CNBD1: variants seen among roughly 807,000 people sequenced by gnomAD.
CNBD1 encodes the protein cyclic nucleotide-binding domain-containing protein 1.
A neutral mutation model predicts 54.4 loss-of-function variants in CNBD1; 71 were observed. The observed-to-expected ratio is 1.30, with a 90% confidence interval of 1.08 to 1.59. CNBD1 has a LOEUF of 1.59. Ranked by LOEUF, CNBD1 falls within the 40% of genes most tolerant of loss-of-function variation. CNBD1 has a pLI of 0.00. For synonymous variants in CNBD1, 182 were observed against 170.7 expected, an observed-to-expected ratio of 1.07 and a Z score of -0.51; for missense variants, 659 against 518.0, an observed-to-expected ratio of 1.27 and a Z score of -2.64.
In CNBD1 at chr8:87,163,410, G is replaced by A. The variant is rs1812896681; in HGVS notation, c.432-42583G>A. Among the ~76,000 whole-genome samples the A allele has an allele frequency of 6.6e-6, 1 of 151,638 alleles. No individual in the cohort carries two copies. The highest frequency in any genetic ancestry group is 2.4e-5 in the African/African-American group (1 of 41,404). On this transcript the variant is annotated intron_variant, in intron 4 of 10. Transcript: ENST00000518476. The surrounding 1 kb of genome is among the most constrained non-coding windows in gnomAD (Gnocchi z 4.5). ...GCATTGAATCTGCAGATCACTTCAG[G>A]TCATATGAATAATTTAATATTAATT...
intron 2 of CNBD1, among the ~76,000 whole-genome samples, chr8:87,424,325 A>T (rs151196989): frequency 0.052 from 7,916 of 151,800 alleles, 651 homozygotes; most frequent in African/African-American, 0.18. Context: ...TAGCTTTTGA[A>T]TGTGTTTGCT....
Position 87,004,542 on chromosome 8 carries a change from TA to T in CNBD1, c.431+64800del, listed in dbSNP as rs756660574. ...CTATTTTTGCAAATTAGTATTTATC[TA>T]AAAAAAAAAAACCCTGTAATTTTAC... On this transcript the variant is annotated intron_variant, in intron 4 of 10. Coordinates refer to ENST00000518476, the MANE Select transcript of CNBD1 (RefSeq NM_173538.3). Among the ~76,000 whole-genome samples the T allele has an allele frequency of 5.3e-3, 756 of 141,896 alleles. 3 individuals carry two copies. The highest frequency in any genetic ancestry group is 0.016 in the African/African-American group (612 of 38,866). The allele number at this position is 141,896 out of a possible 152,430, so 93.1% of individuals were successfully genotyped here.
intron 2 of CNBD1, among the ~76,000 whole-genome samples, chr8:87,403,239 G>A (rs1215678053): frequency 2.0e-5 from 3 of 152,032 alleles, no homozygotes; most frequent in African/African-American, 7.2e-5. Context: ...CTGCTGGTGA[G>A]CAAGAGGTTG....
intron 2 of CNBD1, among the ~76,000 whole-genome samples, chr8:86,893,438 T>G (rs1586116573): frequency 6.6e-6 from 1 of 152,194 alleles, no homozygotes; most frequent in Non-Finnish European, 1.5e-5. Flanking sequence ...ATAATCCTCC[T>G]TCTCCCATCT....
chr8:87,331,093 G>A (rs1809819887), intron 8 of CNBD1, among the ~76,000 whole-genome samples: 1 of 152,000 alleles, frequency 6.6e-6, no homozygotes, highest in African/African-American at 2.4e-5. Flanking sequence ...TACATGTGCA[G>A]AACATGAAGG....
At chr8:87,053,267 A>G (rs977527739) in intron 4 of CNBD1, among the ~76,000 whole-genome samples, 1 of 152,182 alleles carries the variant, frequency 6.6e-6, no homozygotes, top group African/African-American at 2.4e-5. Context: ...TAATTGTTGG[A>G]TAGTATTAAA....
chr8:87,422,040 T>A (rs1311012455), intron 2 of CNBD1, among the ~76,000 whole-genome samples: 1 of 148,284 alleles, frequency 6.7e-6, no homozygotes, highest in East Asian at 1.9e-4. Context: ...GATGAGCATT[T>A]CTTCATGTGT....
chr8:87,034,588 T>C (rs192488544), intron 4 of CNBD1, among the ~76,000 whole-genome samples: 5 of 152,234 alleles, frequency 3.3e-5, no homozygotes, highest in Admixed American at 6.5e-5. Context: ...TTCATGTGTG[T>C]AAGTTTTGGT....
At chr8:87,221,956 G>T (rs1359288237) in intron 5 of CNBD1, among the ~76,000 whole-genome samples, 3 of 151,978 alleles carry the variant, frequency 2.0e-5, no homozygotes, top group African/African-American at 7.2e-5. Context: ...CTTAGAAGAG[G>T]AAAAATTGGA....
chr8:87,202,393 T>A (rs180873328), intron 4 of CNBD1, among the ~76,000 whole-genome samples: 1 of 152,300 alleles, frequency 6.6e-6, no homozygotes, highest in East Asian at 1.9e-4. Flanking sequence ...AAAAACATTG[T>A]CAGGAACTTA....
At chr8:87,154,132 A>G (rs1190005460) in intron 4 of CNBD1, among the ~76,000 whole-genome samples, 4 of 152,106 alleles carry the variant, frequency 2.6e-5, no homozygotes, top group Non-Finnish European at 5.9e-5. Flanking sequence ...AAATTCCTAC[A>G]TTTTTTCAAG....
chr8:87,260,792 C>G (rs945511586), intron 6 of CNBD1, among the ~76,000 whole-genome samples: 3 of 151,786 alleles, frequency 2.0e-5, no homozygotes, highest in Non-Finnish European at 4.4e-5. Flanking sequence ...TATAAGTTAT[C>G]TTTAGTAAGA....
At chr8:87,026,427 T>A (rs937413950) in intron 4 of CNBD1, among the ~76,000 whole-genome samples, 1 of 150,972 alleles carries the variant, frequency 6.6e-6, no homozygotes, top group African/African-American at 2.5e-5. Flanking sequence ...CCCTGCTTAT[T>A]AAAAGTTACT....
chr8:87,365,304 T>A (rs569992281), intron 10 of CNBD1, among the ~76,000 whole-genome samples: 13 of 152,140 alleles, frequency 8.5e-5, no homozygotes, highest in Admixed American at 8.5e-4. Context: ...GTGTGTATGC[T>A]AAAGTATCTG....
intron 4 of CNBD1, among the ~76,000 whole-genome samples, chr8:87,180,636 A>G (rs1375578961): frequency 6.6e-6 from 1 of 152,198 alleles, no homozygotes; most frequent in Non-Finnish European, 1.5e-5. Context: ...CTATAATTTA[A>G]TCACATATTT....
chr8:86,888,552 A>G (rs1445424061), intron 2 of CNBD1, among the ~76,000 whole-genome samples: 1 of 152,108 alleles, frequency 6.6e-6, no homozygotes, highest in Non-Finnish European at 1.5e-5. Context: ...GGTAAAATGG[A>G]GATAACAGTA....
intron 4 of CNBD1, among the ~76,000 whole-genome samples, chr8:87,009,865 T>G (rs1809179353): frequency 6.6e-6 from 1 of 152,156 alleles, no homozygotes; most frequent in Non-Finnish European, 1.5e-5. Context: ...ATGCAATAAT[T>G]TTGTTAAGTT....
rs868624851 is a variant in CNBD1 at position 87,416,678 on chromosome 8, T to C, written c.214-11868T>C. On this transcript the variant is annotated intron_variant, in intron 2 of 7. Coordinates refer to the CNBD1 transcript ENST00000521593. Reference sequence around the variant, plus strand: ...CTCAGTCCACCCAGTACAAAGCCTTTTTCCCAGGGGTGTTTGTTGAAAACA... The same window carrying C: ...CTCAGTCCACCCAGTACAAAGCCTTCTTCCCAGGGGTGTTTGTTGAAAACA... 6.6e-5 allele frequency among the ~76,000 whole-genome samples: 10 copies of C among 152,160 alleles called. No individual in the cohort carries two copies. The South Asian group carries it at 1.5e-3, about 22-fold the overall frequency.
intron 4 of CNBD1, among the ~76,000 whole-genome samples, chr8:87,132,472 G>T (rs1162936858): frequency 6.6e-6 from 1 of 150,806 alleles, no homozygotes; most frequent in Non-Finnish European, 1.5e-5. Flanking sequence ...GAAGTTCAGT[G>T]GTTTGACTCT....
Sources: allele counts gnomAD v4.1 joint callset (sites outside exome capture counted in the v4.1 genomes callset), GRCh38; gene constraint gnomAD v4.1.1; non-coding constraint Gnocchi (gnomAD v3.1); transcripts MANE v1.5; gene names NCBI Gene and HGNC (gene_info 2026-07-23, HGNC 2026-07-21).